Variants in MAST2 observed in about 807,000 individuals in gnomAD.
MAST2 encodes the protein microtubule-associated serine/threonine-protein kinase 2.
Under a neutral mutation model 147.4 loss-of-function variants are expected in MAST2, and 70 were observed. The observed-to-expected ratio is 0.47, with a 90% CI of 0.39 to 0.58. The LOEUF (loss-of-function observed/expected upper bound fraction) is 0.58. MAST2 is among the 20% of genes least tolerant of loss of function. The pLI is 0.00. For missense variants in MAST2, 2,080 were observed against 2,302.3 expected (o/e 0.90, Z 1.98); for synonymous variants, 869 against 896.8 (o/e 0.97, Z 0.55).
intron 4 of MAST2, among the ~76,000 whole-genome samples, chr1:45,907,169 A>T (rs1254198685): frequency 1.3e-5 from 2 of 152,122 alleles, no homozygotes; most frequent in African/African-American, 4.8e-5. Context: ...ATGCATCACT[A>T]TATATATTGT....
chr1:46,030,897 A>G (rs1571288017), intron 22 of MAST2, 110 bp from the exon 23 acceptor site: 1 of 1,473,728 alleles, frequency 6.8e-7, no homozygotes, highest in East Asian at 2.4e-5. Context: ...TCCTGGAGGA[A>G]TGTCTGCGGA....
intron 5 of MAST2, among the ~76,000 whole-genome samples, chr1:45,968,790 C>G (rs997198214): frequency 6.7e-6 from 1 of 149,830 alleles, no homozygotes; most frequent in African/African-American, 2.4e-5. Context: ...AATTCCCTTC[C>G]TTTCTCTCTT....
At chr1:45,852,754 C>T (rs75428395) in intron 3 of MAST2, among the ~76,000 whole-genome samples, 6,882 of 151,760 alleles carry the variant, frequency 0.045, 501 homozygotes, top group African/African-American at 0.15. Context: ...TTTTGAGATC[C>T]GTCTAAATTG....
intron 1 of MAST2, among the ~76,000 whole-genome samples, chr1:45,804,960 G>A (rs1265078586): frequency 6.6e-6 from 1 of 152,078 alleles, no homozygotes; most frequent in Non-Finnish European, 1.5e-5. Context: ...AGCTCTATTC[G>A]GGATCCTACT....
At chr1:45,873,295 C>T (rs1410211660) in intron 3 of MAST2, among the ~76,000 whole-genome samples, 8 of 151,558 alleles carry the variant, frequency 5.3e-5, no homozygotes, top group African/African-American at 1.9e-4. Flanking sequence ...TGGTCTCAAG[C>T]GATCCTCCCA....
At position 46,032,322 on chromosome 1, in the gene MAST2, G is replaced by T. The variant is rs1426027077; in HGVS notation, c.3332G>T (p.Gly1111Val). The T allele has an allele frequency of 6.2e-7, 1 of 1,614,222 alleles. No individual in the cohort carries two copies. The highest frequency in any genetic ancestry group is 1.7e-5 in the Admixed American group (1 of 60,032). ...CCTCCCATCATCATCCACCGAGCTG[G>T]CAAGAAGTATGGCTTCACCCTGCGG... ...MRPPIIIHRA[G>V]KKYGFTLRAI... is the part of the protein sequence containing the mutation. The change falls in exon 25 of 29, where the codon GGC becomes GTC. Residue 1111 changes from glycine to valine, a missense_variant. By Grantham distance (109) the Gly-to-Val change is moderately radical. This residue lies in a region of MAST2 where 1,278 missense variants were observed against 1,304.2 expected (regional missense o/e 0.98). Coordinates refer to ENST00000361297, the MANE Select transcript of MAST2 (RefSeq NM_015112.3).
chr1:45,918,388 T>C (rs1211458726), intron 4 of MAST2, among the ~76,000 whole-genome samples: 1 of 152,112 alleles, frequency 6.6e-6, no homozygotes, highest in Non-Finnish European at 1.5e-5. Context: ...ATAAGTTAGG[T>C]GGTGAGTATT....
chr1:45,938,922 A>G (rs917087902), intron 4 of MAST2, among the ~76,000 whole-genome samples: 5 of 151,694 alleles, frequency 3.3e-5, no homozygotes, highest in Admixed American at 3.3e-4. Context: ...TTAAATATTG[A>G]GCCTTGAGTT....
chr1:45,952,270 A>G (rs1016519140), intron 4 of MAST2, among the ~76,000 whole-genome samples: 1 of 152,234 alleles, frequency 6.6e-6, no homozygotes, highest in Admixed American at 6.5e-5. Context: ...AAAGAAGCCA[A>G]AGACTACATA....
chr1:45,971,706 G>T (rs1278066679), intron 5 of MAST2, among the ~76,000 whole-genome samples: 1 of 152,072 alleles, frequency 6.6e-6, no homozygotes, highest in Non-Finnish European at 1.5e-5. Context: ...AAGCTTAGTG[G>T]CATTAAATTG....
chr1:45,813,623 C>T (rs571707054), intron 1 of MAST2, among the ~76,000 whole-genome samples: 150 of 152,034 alleles, frequency 9.9e-4, no homozygotes, highest in Non-Finnish European at 1.2e-3. Context: ...CTCAGCCTCC[C>T]GAGTAGCTGG....
intron 5 of MAST2, among the ~76,000 whole-genome samples, chr1:45,997,282 G>A (rs1645094789): frequency 6.6e-6 from 1 of 152,110 alleles, no homozygotes; most frequent in South Asian, 2.1e-4. Context: ...CATGTTCCTG[G>A]TTTAGCCCTT....
At chr1:45,840,213 T>C (rs188666230) in intron 3 of MAST2, among the ~76,000 whole-genome samples, 1 of 152,364 alleles carries the variant, frequency 6.6e-6, no homozygotes, top group African/African-American at 2.4e-5. Context: ...GTAAAACTTG[T>C]GTTAAAGAGT....
At chr1:45,904,255 C>T (rs997972838) in intron 4 of MAST2, among the ~76,000 whole-genome samples, 1 of 151,780 alleles carries the variant, frequency 6.6e-6, no homozygotes, top group African/African-American at 2.4e-5. Flanking sequence ...TCACTGCCAA[C>T]CTCTGCCTCC....
At chr1:45,976,131 C>T (rs1031358086) in intron 5 of MAST2, among the ~76,000 whole-genome samples, 8 of 152,072 alleles carry the variant, frequency 5.3e-5, no homozygotes, top group Non-Finnish European at 1.2e-4. Flanking sequence ...TGCACCACCA[C>T]ACCCAGCAAA....
At chr1:46,004,607 C>T (rs1645410060) in intron 7 of MAST2, among the ~76,000 whole-genome samples, 1 of 152,018 alleles carries the variant, frequency 6.6e-6, no homozygotes, top group African/African-American at 2.4e-5. Context: ...TAAAATGGGG[C>T]CAAGAAATAA....
In MAST2 at chr1:46,005,317, G is replaced by A. The variant is rs6671622; in HGVS notation, c.748-924G>A. 4.2e-3 allele frequency among the ~76,000 whole-genome samples: 643 copies of A among 151,590 alleles called. 4 individuals carry two copies. Among genetic ancestry groups the A allele is most frequent in the Non-Finnish European group, 5.5e-3 (374 of 67,936 alleles). ...GCGGAGGTTGCAGTGAGCCAAGATC[G>A]TGCCATTGCACTCCAGCCTGGGCAA... is the stretch of plus-strand genomic sequence containing the variant. On this transcript the variant is annotated intron_variant, in intron 7 of 28. Transcript: ENST00000361297.
chr1:45,870,776 T>G lies in MAST2; in HGVS notation c.469-11588T>G, dbSNP rs534942204. Among the ~76,000 whole-genome samples, 6 of 151,490 alleles carry G rather than the reference T, an allele frequency of 4.0e-5. No homozygotes were observed. In the South Asian group the frequency reaches 1.0e-3, roughly 26 times the overall value. ...TGTACAAATTAAAAAAAAAAAAAATTTAAGTAGCCAGGCGTGGCGGTGCAC... is the reference window on the plus strand; with the variant it reads ...TGTACAAATTAAAAAAAAAAAAAATGTAAGTAGCCAGGCGTGGCGGTGCAC... On this transcript the variant is annotated intron_variant, in intron 3 of 28. Coordinates refer to ENST00000361297, the MANE Select transcript of MAST2 (RefSeq NM_015112.3).
chr1:45,987,954 C>T (rs974774920), intron 5 of MAST2, among the ~76,000 whole-genome samples: 6 of 151,576 alleles, frequency 4.0e-5, no homozygotes, highest in Non-Finnish European at 5.9e-5. Context: ...AATTTCCTTT[C>T]TAATATAATG....
Sources: allele counts gnomAD v4.1 joint callset (sites outside exome capture counted in the v4.1 genomes callset), GRCh38; gene constraint gnomAD v4.1.1; regional missense constraint gnomAD v4.1.1; transcripts MANE v1.5; gene names NCBI Gene and HGNC (gene_info 2026-07-23, HGNC 2026-07-21).